PM20D2: variants seen among roughly 807,000 people sequenced by gnomAD.
The protein encoded by PM20D2 is xaa-Arg dipeptidase.
Under a neutral mutation model 42.9 loss-of-function variants are expected in PM20D2, and 33 were observed. The ratio of observed to expected loss-of-function variants is 0.77; its 90% CI spans 0.58 to 1.03. The LOEUF (loss-of-function observed/expected upper bound fraction) is 1.03, where lower values mean the gene tolerates loss of function less well. Among genes scored for constraint, PM20D2 ranks in the 50% least tolerant of loss-of-function variants. The pLI is 0.00. For missense variants in PM20D2, 548 were observed against 557.0 expected (o/e 0.98, Z 0.16); for synonymous variants, 250 against 228.2 (o/e 1.10, Z -0.86).
At chr6:89,105,531 A>G in the PM20D2 span, 1 of 1,598,376 alleles carries the variant, frequency 6.3e-7, no homozygotes, top group Non-Finnish European at 8.5e-7. Context: ...ATCTTCAAAT[A>G]TGACTAGCTG....
Position 89,146,164 on chromosome 6 carries a change from G to C in PM20D2, c.20G>C (p.Arg7Pro). The C allele has an allele frequency of 6.6e-7, 1 of 1,513,012 alleles. No homozygotes were observed. The highest frequency in any genetic ancestry group is 2.0e-5 in the Admixed American group (1 of 50,834). The allele number at this position is 1,513,012 out of a possible 1,614,324, so 93.7% of individuals were successfully genotyped here. A position where few individuals can be genotyped will look rare whatever the true frequency, so the allele number is the denominator to read the frequency against. MRPGGERPVEGGACNGR... is the reference protein window; with the variant it reads MRPGGEPPVEGGACNGR... The stretch of plus-strand genomic sequence containing the variant: ...GGCAGCATGAGGCCCGGAGGGGAGC[G>C]GCCCGTGGAAGGGGGCGCGTGCAAT... Residue 7 changes from arginine (R) to proline (P), a missense_variant, in exon 1 of 7, where the codon CGG becomes CCG. By Grantham distance (103) the Arg-to-Pro change is moderately radical. Transcript: ENST00000275072.
At chr6:89,152,401 C>T (rs1582340733) in intron 2 of PM20D2, among the ~76,000 whole-genome samples, 2 of 152,002 alleles carry the variant, frequency 1.3e-5, no homozygotes, top group Admixed American at 6.6e-5. Context: ...ACACGCAATC[C>T]TTTCTCTAAT....
the PM20D2 span, chr6:89,104,987 T>G: frequency 1.2e-6 from 1 of 856,080 alleles, no homozygotes; most frequent in East Asian, 2.9e-5. Flanking sequence ...GTCTAGGAGG[T>G]CAAGTCTACA....
chr6:89,116,787 A>C, the PM20D2 span, among the ~76,000 whole-genome samples: 5 of 151,914 alleles, frequency 3.3e-5, no homozygotes, highest in Non-Finnish European at 5.9e-5. Flanking sequence ...AAAAAAAAAA[A>C]AAACTAAAAA....
chr6:89,146,241 G>T lies in PM20D2; in HGVS notation c.97G>T (p.Glu33Ter), dbSNP rs1239754569. ...LKLRSAECID[E>*]AAERLGALSR... is the part of the protein sequence containing the mutation. ...GCTGCGCTCGGCGGAGTGCATCGAC[G>T]AGGCGGCCGAGCGGCTGGGGGCCCT... Residue 33 changes from glutamate (E) to a stop codon, truncating the protein, a stop_gained, in exon 1 of 7, where the codon GAG becomes TAG. Transcript: ENST00000275072. LOFTEE classifies it high-confidence loss of function. 3.2e-6 allele frequency: 5 copies of T among 1,579,564 alleles called. No homozygotes were observed. Among genetic ancestry groups the T allele is most frequent in the South Asian group, 1.1e-5 (1 of 88,390 alleles).
At chr6:89,149,711 T>A (rs1770762061) in intron 2 of PM20D2, among the ~76,000 whole-genome samples, 1 of 152,250 alleles carries the variant, frequency 6.6e-6, no homozygotes, top group Non-Finnish European at 1.5e-5. Flanking sequence ...GGAAAACATC[T>A]GTCCTTTCAT....
rs1357653879 is a variant in PM20D2, at chr6:89,165,532, A to G, written c.*3269A>G. On this transcript the variant is annotated 3_prime_UTR_variant, in exon 7 of 7. Transcript: ENST00000275072. ...GTAATAATAGGTACATAAAATGTGTATGAAAAATCTACAATAAACATGTTT... is the reference window on the plus strand; with the variant it reads ...GTAATAATAGGTACATAAAATGTGTGTGAAAAATCTACAATAAACATGTTT... 1 of 152,216 alleles carries G rather than the reference A, an allele frequency of 6.6e-6. No homozygotes were observed. The highest frequency in any genetic ancestry group is 2.4e-5 in the African/African-American group (1 of 41,458). 9.4% of individuals were successfully genotyped at this position (152,216 alleles called of 1,614,324 possible).
At chr6:89,094,813 C>G in the PM20D2 span, among the ~76,000 whole-genome samples, 2 of 149,746 alleles carry the variant, frequency 1.3e-5, no homozygotes, top group African/African-American at 4.9e-5. Flanking sequence ...CCCTAACAAC[C>G]CAATGGGGCA....
chr6:89,126,346 G>A, the PM20D2 span, among the ~76,000 whole-genome samples: 1 of 151,802 alleles, frequency 6.6e-6, no homozygotes, highest in Non-Finnish European at 1.5e-5. Flanking sequence ...AGTGAGCCAT[G>A]ATTGCACCAC....
At chr6:89,130,558 G>A in the PM20D2 span, among the ~76,000 whole-genome samples, 4 of 152,114 alleles carry the variant, frequency 2.6e-5, no homozygotes, top group African/African-American at 9.7e-5. Context: ...CTATCAGTCA[G>A]TCTTCACTTC....
chr6:89,146,549 G>T lies in PM20D2; in HGVS notation c.405G>T (p.Ala135=). The change falls in exon 1 of 7, where the codon GCG becomes GCT. Residue 135 remains alanine, a synonymous_variant. Transcript: ENST00000275072. ...GHNLIAEVGA[A]AALGVRGALE... ...ACCTCATCGCTGAGGTCGGGGCGGC[G>T]GCCGCGCTGGGCGTGAGGGGGGCCT... 2 of 1,497,598 alleles carry T rather than the reference G, an allele frequency of 1.3e-6. No homozygotes were observed. The highest frequency in any genetic ancestry group is 1.3e-5 in the South Asian group (1 of 79,962). The allele number at this position is 1,497,598 out of a possible 1,614,324, so 92.8% of individuals were successfully genotyped here.
At chr6:89,107,519 C>T in the PM20D2 span, among the ~76,000 whole-genome samples, 1 of 152,062 alleles carries the variant, frequency 6.6e-6, no homozygotes, top group Admixed American at 6.6e-5. Context: ...CACTTGAACC[C>T]AGGAGTTCAA....
intron 2 of PM20D2, among the ~76,000 whole-genome samples, chr6:89,151,204 T>A (rs1225734379): frequency 6.7e-5 from 10 of 149,850 alleles, no homozygotes; most frequent in Admixed American, 3.3e-4. Flanking sequence ...CATTTTTTTT[T>A]AAATTACTAA....
intron 5 of PM20D2, 55 bp from the exon 6 acceptor site, chr6:89,161,728 G>A: frequency 7.3e-7 from 1 of 1,367,916 alleles, no homozygotes; most frequent in Non-Finnish European, 1.0e-6. Context: ...CATAACTCCA[G>A]AATACTTAAC....
At chr6:89,124,185 T>C in the PM20D2 span, among the ~76,000 whole-genome samples, 2 of 151,392 alleles carry the variant, frequency 1.3e-5, no homozygotes, top group Non-Finnish European at 2.9e-5. Flanking sequence ...ACTAAAACTT[T>C]CTCCCTAATG....
chr6:89,146,441 G>C lies in PM20D2; in HGVS notation c.297G>C (p.Pro99=), dbSNP rs747131173. 1 of 1,523,136 alleles carries C rather than the reference G, an allele frequency of 6.6e-7. No homozygotes were observed. Among genetic ancestry groups the C allele is most frequent in the East Asian group, 2.5e-5 (1 of 39,708 alleles). 94.4% of individuals were successfully genotyped at this position (1,523,136 alleles called of 1,614,324 possible). A position where few individuals can be genotyped will look rare whatever the true frequency, so the allele number is the denominator to read the frequency against. ...AEWEPPEARA[P]SATPRPLHLG... is the part of the protein sequence containing the mutation. Reference sequence around the variant, plus strand: ...GGGAGCCGCCGGAGGCCCGGGCACCGAGCGCCACGCCACGCCCGCTGCACC... The same window carrying C: ...GGGAGCCGCCGGAGGCCCGGGCACCCAGCGCCACGCCACGCCCGCTGCACC... Residue 99 remains proline (P), a synonymous_variant, in exon 1 of 7, where the codon CCG becomes CCC. Transcript: ENST00000275072.
upstream of PM20D2, among the ~76,000 whole-genome samples, chr6:89,142,711 G>A (rs1770370492): frequency 6.6e-6 from 1 of 152,128 alleles, no homozygotes; most frequent in Admixed American, 6.5e-5. Flanking sequence ...AGGCTGGAGT[G>A]CAGTGACGCG....
At chr6:89,102,987 A>G in the PM20D2 span, among the ~76,000 whole-genome samples, 9,554 of 152,128 alleles carry the variant, frequency 0.063, 868 homozygotes, top group African/African-American at 0.2. Flanking sequence ...CTGGTCTCTC[A>G]AATTCCTGGA....
the PM20D2 span, among the ~76,000 whole-genome samples, chr6:89,107,878 G>T: frequency 1.3e-5 from 2 of 152,154 alleles, no homozygotes; most frequent in Non-Finnish European, 2.9e-5. Flanking sequence ...TTAATTTCCA[G>T]AAACACTGAC....
Sources: gnomAD v4.1 joint callset for allele counts (sites outside exome capture counted in the v4.1 genomes callset) on GRCh38, gnomAD v4.1.1 for gene constraint, MANE v1.5 for transcripts, NCBI Gene and HGNC (gene_info 2026-07-23, HGNC 2026-07-21) for gene names.